MYH9: variants seen among roughly 807,000 people sequenced by gnomAD.
The protein encoded by MYH9 is myosin heavy chain 9.
Under a neutral mutation model 241.9 loss-of-function variants are expected in MYH9, and 29 were observed. The ratio of observed to expected loss-of-function variants is 0.12; its 90% confidence interval spans 0.09 to 0.16. The LOEUF is 0.16. Ranked by LOEUF, MYH9 falls within the 10% of genes least tolerant of loss-of-function variation. The pLI is 1.00. For missense variants in MYH9, 1,803 were observed against 2,595.5 expected (o/e 0.69, Z 6.63); for synonymous variants, 1,047 against 1,062.6 (o/e 0.99, Z 0.29).
intron 10 of MYH9, among the ~76,000 whole-genome samples, chr22:36,319,321 TCC>T (rs974578246): frequency 2.0e-5 from 3 of 152,280 alleles, no homozygotes; most frequent in African/African-American, 7.2e-5. Flanking sequence ...GAAGCCCTGG[TCC>T]ACATGATCAC....
intron 14 of MYH9, 113 bp downstream of exon 14, chr22:36,311,936 C>T (rs1344634202): frequency 2.3e-6 from 3 of 1,277,702 alleles, no homozygotes; most frequent in Admixed American, 3.4e-5. Context: ...AAGAACCGTA[C>T]TCAGGTCACA....
At chr22:36,323,825 C>T (rs546155077) in intron 5 of MYH9, among the ~76,000 whole-genome samples, 3 of 152,280 alleles carry the variant, frequency 2.0e-5, no homozygotes, top group Non-Finnish European at 4.4e-5. Context: ...CTCTAGTGCC[C>T]GCCCCTGAAG....
In MYH9 at chr22:36,285,249, G is replaced by A; in HGVS notation, c.5355C>T (p.Arg1785=). The A allele has an allele frequency of 6.2e-7, 1 of 1,614,160 alleles. No homozygotes were observed. The highest frequency in any genetic ancestry group is 1.1e-5 in the South Asian group (1 of 91,088). Residue 1785 remains arginine (R), a synonymous_variant, in exon 38 of 41, where the codon CGC becomes CGT. Coordinates refer to ENST00000216181, the MANE Select transcript of MYH9 (RefSeq NM_002473.6). The surrounding 1 kb of genome is among the most constrained non-coding windows in gnomAD (Gnocchi z 7.0). ...KNENARQQLE[R]QNKELKVKLQ... is the part of the protein sequence containing the mutation. Reference sequence around the variant, plus strand: ...GCTTGACCTTAAGCTCCTTGTTCTGGCGTTCCAGCTGCTGCCGAGCATTCT... The same window carrying A: ...GCTTGACCTTAAGCTCCTTGTTCTGACGTTCCAGCTGCTGCCGAGCATTCT...
intron 1 of MYH9, among the ~76,000 whole-genome samples, chr22:36,370,069 C>T (rs945872862): frequency 6.6e-6 from 1 of 152,184 alleles, no homozygotes; most frequent in Non-Finnish European, 1.5e-5. Context: ...ACAGATAAAA[C>T]ATATAAACAA....
chr22:36,306,075 C>A lies in MYH9; in HGVS notation c.2038-24G>T, dbSNP rs376734495. The A allele has an allele frequency of 1.2e-6, 2 of 1,612,042 alleles. No individual in the cohort carries two copies. Among genetic ancestry groups the A allele is most frequent in the Admixed American group, 1.7e-5 (1 of 60,022 alleles). ...GCCTGGAGAAGAAAACACATGCATG[C>A]GGTCTCACTTCCGTGCCTAGAACAG... On this transcript the variant is annotated intron_variant, in intron 16 of 40. Transcript: ENST00000216181. This position sits in a 1 kb window ranked among gnomAD's most constrained non-coding sequence, Gnocchi z 4.1.
At chr22:36,296,699 G>T in intron 25 of MYH9, 144 bp downstream of exon 25, 1 of 975,696 alleles carries the variant, frequency 1.0e-6, no homozygotes, top group Non-Finnish European at 1.5e-6. Context: ...CACAAGAACT[G>T]TTTTGCTATG....
intron 1 of MYH9, among the ~76,000 whole-genome samples, chr22:36,386,368 A>G (rs2018351048): frequency 6.6e-6 from 1 of 152,104 alleles, no homozygotes; most frequent in African/African-American, 2.4e-5. Flanking sequence ...CCTTGTATAT[A>G]AACTGACTAT....
At chr22:36,380,765 A>AAAAG (rs929744272) in intron 1 of MYH9, among the ~76,000 whole-genome samples, 1 of 150,204 alleles carries the variant, frequency 6.7e-6, no homozygotes, top group Non-Finnish European at 1.5e-5. Context: ...AAAAGAAAAG[A>AAAAG]AAAGAAAGAA....
intron 1 of MYH9, among the ~76,000 whole-genome samples, chr22:36,357,421 T>G (rs1049636915): frequency 2.0e-5 from 3 of 152,100 alleles, no homozygotes; most frequent in African/African-American, 7.2e-5. Flanking sequence ...CAGAGAATCC[T>G]TTGTGGTGGG....
rs1603483701 is a variant in MYH9, at chr22:36,332,687, A to C, written c.491-5199T>G. On this transcript the variant is annotated intron_variant, in intron 3 of 40. Coordinates refer to ENST00000216181, the MANE Select transcript of MYH9 (RefSeq NM_002473.6). ...AAAAAAAAAAAAAAAAAAAAAAAAA[A>C]AAACCTCAAGGTATTGCTCTTAACT... is the stretch of plus-strand genomic sequence containing the variant. Among the ~76,000 whole-genome samples the C allele has an allele frequency of 2.0e-5, 3 of 151,442 alleles. No homozygotes were observed. The East Asian group carries it at 5.8e-4, about 29-fold the overall frequency.
In MYH9 at chr22:36,319,472, T is replaced by G. The variant is rs2017214416; in HGVS notation, c.1108+68A>C. The G allele has an allele frequency of 4.1e-6, 6 of 1,457,140 alleles. No individual in the cohort carries two copies. In the South Asian group the frequency reaches 6.9e-5, roughly 17 times the overall value. The allele number at this position is 1,457,140 out of a possible 1,614,324, so 90.3% of individuals were successfully genotyped here. On this transcript the variant is annotated intron_variant, in intron 10 of 40. Coordinates refer to ENST00000216181, the MANE Select transcript of MYH9 (RefSeq NM_002473.6). ...AGTGTCCGGAATTTCCGCAAGACCT[T>G]CCCTCCTGAGCAAATCCATGGCCAA...
chr22:36,327,403 C>T, intron 4 of MYH9, 58 bp downstream of exon 4: 1 of 1,608,014 alleles, frequency 6.2e-7, no homozygotes, highest in Admixed American at 1.7e-5. Context: ...TAGGAGACCT[C>T]AAGAATGAGA....
At chr22:36,318,576 TC>T (rs1482112834) in intron 10 of MYH9, among the ~76,000 whole-genome samples, 1 of 151,914 alleles carries the variant, frequency 6.6e-6, no homozygotes, top group Non-Finnish European at 1.5e-5. Context: ...CAGCTGTACC[TC>T]CCCTGAGCCC....
chr22:36,387,171 G>A (rs955116879), intron 1 of MYH9, among the ~76,000 whole-genome samples: 1 of 152,182 alleles, frequency 6.6e-6, no homozygotes, highest in South Asian at 2.1e-4. Flanking sequence ...CACCTCCCCC[G>A]GGCCCTCCCC....
In MYH9 at chr22:36,284,148, T is replaced by C. The variant is rs754138115; in HGVS notation, c.5710A>G (p.Thr1904Ala). The change falls in exon 40 of 41, where the codon ACT (threonine) becomes GCT (alanine). Residue 1904 changes from threonine to alanine, a missense_variant. By Grantham distance (58) the Thr-to-Ala change is moderately conservative. Coordinates refer to ENST00000216181, the MANE Select transcript of MYH9 (RefSeq NM_002473.6). ...CGGTTCATGGCATCGGCCGTCTCAG[T>C]GGCGTCCTCCAGCTCGCGCTGCAGT... The part of the protein sequence containing the change: ...RKLQRELEDA[T>A]ETADAMNREV... 22 of 1,614,080 alleles carry C rather than the reference T, an allele frequency of 1.4e-5. No individual in the cohort carries two copies. Among genetic ancestry groups the C allele is most frequent in the Non-Finnish European group, 1.8e-5 (21 of 1,180,026 alleles).
intron 10 of MYH9, among the ~76,000 whole-genome samples, chr22:36,318,980 T>C (rs1276843485): frequency 2.0e-5 from 3 of 151,968 alleles, no homozygotes; most frequent in Non-Finnish European, 4.4e-5. Context: ...GCCAGGCTGG[T>C]CTCGAACTCC....
chr22:36,366,443 A>G (rs16996699), intron 1 of MYH9, among the ~76,000 whole-genome samples: 31,687 of 151,944 alleles, frequency 0.21, 4,331 homozygotes, highest in African/African-American at 0.4. Context: ...GTAGCAACCC[A>G]ATCACCTGAC....
chr22:36,372,643 T>G (rs1286732456), intron 1 of MYH9, among the ~76,000 whole-genome samples: 1 of 151,906 alleles, frequency 6.6e-6, no homozygotes, highest in Non-Finnish European at 1.5e-5. Context: ...AGAGGCCTGG[T>G]GCTGATCCAG....
rs571497121 is a variant in MYH9 at position 36,353,958 on chromosome 22, T to C, written c.-19-4703A>G. Among the ~76,000 whole-genome samples, 3 of 152,346 alleles carry C rather than the reference T, an allele frequency of 2.0e-5. No homozygotes were observed. In the South Asian group the frequency reaches 6.2e-4, roughly 32 times the overall value. On this transcript the variant is annotated intron_variant, in intron 1 of 40. Transcript: ENST00000216181. Reference sequence around the variant, plus strand: ...CTCTGTCACCCAGGCTAGAGTGCAATGGCACGATCTCGGCTCACTGCAACC... The same window carrying C: ...CTCTGTCACCCAGGCTAGAGTGCAACGGCACGATCTCGGCTCACTGCAACC...
Sources: allele counts gnomAD v4.1 joint callset (sites outside exome capture counted in the v4.1 genomes callset), GRCh38; gene constraint gnomAD v4.1.1; non-coding constraint Gnocchi (gnomAD v3.1); transcripts MANE v1.5; gene names NCBI Gene and HGNC (gene_info 2026-07-23, HGNC 2026-07-21).